GPC5: variants seen among roughly 807,000 people sequenced by gnomAD.
GPC5 encodes glypican-5.
GPC5 carries 47 observed loss-of-function variants against 53.9 expected under a neutral mutation model. The observed-to-expected ratio is 0.87, with a 90% CI of 0.69 to 1.11. The LOEUF (loss-of-function observed/expected upper bound fraction) is 1.11. Among genes scored for constraint, GPC5 ranks in the 50% most tolerant of loss-of-function variants. The probability of loss-of-function intolerance (pLI) is 0.00; values close to 1 mark genes in which losing one functional copy is unlikely to be tolerated. For synonymous variants in GPC5, 286 were observed against 263.3 expected (o/e 1.09, Z -0.84); for missense variants, 748 against 713.1 (o/e 1.05, Z -0.56).
chr13:91,494,608 T>G (rs1232185726), intron 2 of GPC5, among the ~76,000 whole-genome samples: 1 of 152,280 alleles, frequency 6.6e-6, no homozygotes, highest in Non-Finnish European at 1.5e-5. Flanking sequence ...AGAGAAACAC[T>G]TCTTATCAAT....
At chr13:91,760,076 C>A (rs1044127286) in intron 5 of GPC5, among the ~76,000 whole-genome samples, 1 of 151,808 alleles carries the variant, frequency 6.6e-6, no homozygotes, top group African/African-American at 2.4e-5. Context: ...TAAAGTGATA[C>A]AAGAATTATG....
intron 6 of GPC5, among the ~76,000 whole-genome samples, chr13:91,975,919 C>T (rs2040295847): frequency 6.6e-6 from 1 of 152,194 alleles, no homozygotes; most frequent in Admixed American, 6.5e-5. Flanking sequence ...GGCACATATA[C>T]ACCATGGAAT....
intron 7 of GPC5, among the ~76,000 whole-genome samples, chr13:92,366,268 A>G (rs1057391263): frequency 6.6e-6 from 1 of 151,822 alleles, no homozygotes; most frequent in Non-Finnish European, 1.5e-5. Context: ...GAGATTATTC[A>G]TTAAAAATAA....
intron 7 of GPC5, among the ~76,000 whole-genome samples, chr13:92,547,130 G>A (rs1021496727): frequency 6.6e-6 from 1 of 152,108 alleles, no homozygotes; most frequent in African/African-American, 2.4e-5. Context: ...ACATTTGGGG[G>A]AAAATAGATT....
At chr13:92,755,868 C>T (rs1303118962) in intron 7 of GPC5, among the ~76,000 whole-genome samples, 13 of 144,650 alleles carry the variant, frequency 9.0e-5, no homozygotes, top group African/African-American at 2.8e-4. Flanking sequence ...AGTCCAGGAC[C>T]AGATGGATTC....
intron 1 of GPC5, among the ~76,000 whole-genome samples, chr13:91,444,406 TTC>T (rs1280643521): frequency 2.0e-5 from 3 of 152,156 alleles, no homozygotes; most frequent in African/African-American, 7.2e-5. Flanking sequence ...ATTATTCTGT[TTC>T]TTATTCTCTT....
rs537021259 is a variant in GPC5, at chr13:91,408,024, G to A, written c.163+8815G>A. Among the ~76,000 whole-genome samples, 12 of 152,220 alleles carry A rather than the reference G, an allele frequency of 7.9e-5. No homozygotes were observed. The South Asian group carries it at 2.1e-3, about 26-fold the overall frequency. ...GGTTAAATCTAGCTAATTAAACTAT[G>A]CATTACCTCACCTAGTTACCAATTT... is the stretch of plus-strand genomic sequence containing the variant. On this transcript the variant is annotated intron_variant, in intron 1 of 7. Transcript: ENST00000377067.
intron 7 of GPC5, among the ~76,000 whole-genome samples, chr13:92,795,710 C>T (rs1029540661): frequency 6.6e-6 from 1 of 152,104 alleles, no homozygotes; most frequent in Admixed American, 6.6e-5. Flanking sequence ...AGGATATGAA[C>T]AGACACTTCT....
chr13:92,674,629 A>G (rs1052416137), intron 7 of GPC5, among the ~76,000 whole-genome samples: 1 of 151,808 alleles, frequency 6.6e-6, no homozygotes, highest in Non-Finnish European at 1.5e-5. Context: ...GCATATCATC[A>G]TACCATTATT....
At chr13:91,940,882 T>C (rs2039920424) in intron 6 of GPC5, among the ~76,000 whole-genome samples, 1 of 152,136 alleles carries the variant, frequency 6.6e-6, no homozygotes. Flanking sequence ...TTATAGATTC[T>C]GGATATTATA....
chr13:92,399,706 A>G (rs1158351305), intron 7 of GPC5, among the ~76,000 whole-genome samples: 1 of 152,110 alleles, frequency 6.6e-6, no homozygotes, highest in African/African-American at 2.4e-5. Flanking sequence ...TTACCCATAG[A>G]GCTTGTGGGA....
chr13:92,847,642 T>A (rs1878656418), intron 7 of GPC5, among the ~76,000 whole-genome samples: 1 of 151,960 alleles, frequency 6.6e-6, no homozygotes, highest in Non-Finnish European at 1.5e-5. Context: ...TTTTTTTTAA[T>A]AAATTACCCA....
At chr13:91,955,587 G>T (rs2040065738) in intron 6 of GPC5, among the ~76,000 whole-genome samples, 1 of 152,182 alleles carries the variant, frequency 6.6e-6, no homozygotes, top group Admixed American at 6.5e-5. Context: ...TAGGGAAAGG[G>T]TAAGTGGGAG....
intron 7 of GPC5, among the ~76,000 whole-genome samples, chr13:92,356,703 T>C (rs2139275449): frequency 6.6e-6 from 1 of 152,296 alleles, no homozygotes; most frequent in Non-Finnish European, 1.5e-5. Context: ...GGACCAATTT[T>C]TATTTATTTT....
At chr13:92,084,849 A>G (rs1017762702) in intron 6 of GPC5, among the ~76,000 whole-genome samples, 5 of 152,194 alleles carry the variant, frequency 3.3e-5, no homozygotes, top group Admixed American at 2.6e-4. Context: ...ATCCATTCAC[A>G]TTACTATAAG....
chr13:92,076,196 G>C (rs185600204), intron 6 of GPC5, among the ~76,000 whole-genome samples: 1 of 151,946 alleles, frequency 6.6e-6, no homozygotes, highest in Non-Finnish European at 1.5e-5. Flanking sequence ...AACCTCCCGA[G>C]TAGCTGGGAC....
intron 6 of GPC5, among the ~76,000 whole-genome samples, chr13:91,958,591 A>G (rs2139071263): frequency 6.6e-6 from 1 of 152,228 alleles, no homozygotes; most frequent in African/African-American, 2.4e-5. Flanking sequence ...TCATTGGCAC[A>G]TGGAACATTC....
At chr13:92,397,828 A>G (rs1389813721) in intron 7 of GPC5, among the ~76,000 whole-genome samples, 1 of 152,200 alleles carries the variant, frequency 6.6e-6, no homozygotes, top group Non-Finnish European at 1.5e-5. Flanking sequence ...ACAAAATTTC[A>G]TTTTGTATAC....
At position 92,290,431 on chromosome 13, in the gene GPC5, G is replaced by A. The variant is rs533588760; in HGVS notation, c.1561+145442G>A. Among the ~76,000 whole-genome samples, 6 of 152,164 alleles carry A rather than the reference G, an allele frequency of 3.9e-5. No individual in the cohort carries two copies. The South Asian group carries it at 6.2e-4, about 16-fold the overall frequency. ...TGATTTTTGAGATTTTGGCGCACCC[G>A]TCACCCAAACACTATGCACTGCACC... On this transcript the variant is annotated intron_variant, in intron 7 of 7. Transcript: ENST00000377067.
Sources: allele counts gnomAD v4.1 joint callset (sites outside exome capture counted in the v4.1 genomes callset), GRCh38; gene constraint gnomAD v4.1.1; transcripts MANE v1.5; gene names NCBI Gene and HGNC (gene_info 2026-07-23, HGNC 2026-07-21).